Variants in RABGAP1L observed in about 807,000 individuals in gnomAD.
The protein encoded by RABGAP1L is rab GTPase-activating protein 1-like.
A neutral mutation model predicts 137.7 loss-of-function variants in RABGAP1L; 63 were observed. The observed-to-expected ratio is 0.46, with a 90% confidence interval of 0.37 to 0.56. The LOEUF is 0.56. Ranked by LOEUF, RABGAP1L falls within the 20% of genes least tolerant of loss-of-function variation. The pLI, the probability that RABGAP1L is intolerant of heterozygous loss-of-function variation, is 0.00. For synonymous variants in RABGAP1L, 431 were observed against 433.7 expected (o/e 0.99, Z 0.08); for missense variants, 1,095 against 1,244.0 (o/e 0.88, Z 1.80).
At chr1:174,578,369 A>G (rs1400918131) in intron 13 of RABGAP1L, among the ~76,000 whole-genome samples, 2 of 152,108 alleles carry the variant, frequency 1.3e-5, no homozygotes, top group African/African-American at 4.8e-5. Context: ...ATTTTTTTAT[A>G]GAGAGGAGAT....
chr1:174,528,813 C>A (rs1269055583), intron 13 of RABGAP1L, among the ~76,000 whole-genome samples: 1 of 151,880 alleles, frequency 6.6e-6, no homozygotes, highest in Non-Finnish European at 1.5e-5. Flanking sequence ...ATTCTCCCTT[C>A]GCCATCTGGG....
At chr1:174,411,915 G>C (rs1336769047) in intron 13 of RABGAP1L, among the ~76,000 whole-genome samples, 1 of 152,050 alleles carries the variant, frequency 6.6e-6, no homozygotes, top group Admixed American at 6.6e-5. Flanking sequence ...ATTGATCTTG[G>C]AGTATGTTCT....
At chr1:174,166,638 G>A (rs2148206853) in intron 1 of RABGAP1L, among the ~76,000 whole-genome samples, 1 of 152,346 alleles carries the variant, frequency 6.6e-6, no homozygotes, top group South Asian at 2.1e-4. Flanking sequence ...CCAGTAAGTT[G>A]TGTCTGTTAA....
At chr1:174,972,089 A>AG (rs1670184001) in intron 21 of RABGAP1L, among the ~76,000 whole-genome samples, 2 of 152,156 alleles carry the variant, frequency 1.3e-5, no homozygotes, top group African/African-American at 4.8e-5. Context: ...CAGTGATTAG[A>AG]AGTGAAAAAA....
In RABGAP1L at chr1:174,302,961, C is replaced by T. The variant is rs188426444; in HGVS notation, c.1324-2025C>T. On this transcript the variant is annotated intron_variant, in intron 10 of 25. Transcript: ENST00000681986. ...TAACCAAATAATAAGAATAACTATT[C>T]TAACTGCAGAAAGATGAAAATTAAC... Among the ~76,000 whole-genome samples, 325 of 151,880 alleles carry T rather than the reference C, an allele frequency of 2.1e-3. 3 individuals carry two copies. Among genetic ancestry groups the T allele is most frequent in the African/African-American group, 7.5e-3 (311 of 41,442 alleles).
At chr1:174,540,376 T>C (rs1193461695) in intron 13 of RABGAP1L, among the ~76,000 whole-genome samples, 1 of 152,234 alleles carries the variant, frequency 6.6e-6, no homozygotes, top group Non-Finnish European at 1.5e-5. Context: ...CCCATGCCAA[T>C]GTCCTAAATG....
At chr1:174,546,898 C>T (rs143946040) in intron 13 of RABGAP1L, among the ~76,000 whole-genome samples, 13,654 of 150,802 alleles carry the variant, frequency 0.091, 794 homozygotes, top group East Asian at 0.32. Context: ...GGCGTGGTGG[C>T]GGGCACCTGT....
chr1:174,721,575 T>A (rs1372038429), intron 17 of RABGAP1L, among the ~76,000 whole-genome samples: 1 of 152,198 alleles, frequency 6.6e-6, no homozygotes, highest in Non-Finnish European at 1.5e-5. Context: ...CTGGATCAGA[T>A]TGGTTTCACA....
At chr1:174,928,762 T>G (rs893962432) in intron 19 of RABGAP1L, among the ~76,000 whole-genome samples, 5 of 152,174 alleles carry the variant, frequency 3.3e-5, no homozygotes, top group African/African-American at 1.2e-4. Context: ...TTGAATTCAT[T>G]TAGTCAGTTA....
intron 19 of RABGAP1L, among the ~76,000 whole-genome samples, chr1:174,856,292 A>T (rs1380812926): frequency 6.6e-6 from 1 of 151,796 alleles, no homozygotes; most frequent in Admixed American, 6.6e-5. Flanking sequence ...GCTACTCGGG[A>T]GGCTGAGGCA....
At position 174,532,216 on chromosome 1, in the gene RABGAP1L, T is replaced by G. The variant is rs182998441; in HGVS notation, c.1711-105159T>G. On this transcript the variant is annotated intron_variant, in intron 13 of 25. Coordinates refer to ENST00000681986, the MANE Select transcript of RABGAP1L (RefSeq NM_001366446.1). ...GAGTTTTTTGTTTTTTGTTTTTTTGTTTTTTTTTTTGGGACACAGTCTTGC... is the reference window on the plus strand; with the variant it reads ...GAGTTTTTTGTTTTTTGTTTTTTTGGTTTTTTTTTTGGGACACAGTCTTGC... Among the ~76,000 whole-genome samples the G allele has an allele frequency of 5.3e-3, 756 of 143,726 alleles. 10 individuals carry two copies. The highest frequency in any genetic ancestry group is 0.018 in the African/African-American group (687 of 38,912). 94.3% of individuals were successfully genotyped at this position (143,726 alleles called of 152,430 possible). A position where few individuals can be genotyped will look rare whatever the true frequency, so the allele number is the denominator to read the frequency against.
At chr1:174,437,331 G>A (rs1429059905) in intron 13 of RABGAP1L, among the ~76,000 whole-genome samples, 1 of 151,926 alleles carries the variant, frequency 6.6e-6, no homozygotes, top group African/African-American at 2.4e-5. Flanking sequence ...AAAAAAATTA[G>A]ATGAATGGAT....
At chr1:174,349,738 C>G (rs1247750621) in intron 11 of RABGAP1L, among the ~76,000 whole-genome samples, 1 of 139,374 alleles carries the variant, frequency 7.2e-6, no homozygotes, top group Non-Finnish European at 1.6e-5. Flanking sequence ...GGGGGCTGAC[C>G]CCCCCACCTC....
chr1:174,869,111 CT>C (rs1651778764), intron 19 of RABGAP1L, among the ~76,000 whole-genome samples: 1 of 152,124 alleles, frequency 6.6e-6, no homozygotes, highest in African/African-American at 2.4e-5. Flanking sequence ...GTTTTGCCCC[CT>C]GTACATCATT....
chr1:174,676,403 GGTT>G (rs1677630559), intron 14 of RABGAP1L, among the ~76,000 whole-genome samples: 1 of 152,018 alleles, frequency 6.6e-6, no homozygotes, highest in African/African-American at 2.4e-5. Context: ...GAATTCACTA[GGTT>G]ACTGATTCAG....
In RABGAP1L at chr1:174,656,777, G is replaced by A. The variant is rs1414643515; in HGVS notation, c.1824+19289G>A. ...GTCTGTCCACTGAAATCTCTGCTTGGTGGTCAGCTAATGATTGAATAGACA... is the reference window on the plus strand; with the variant it reads ...GTCTGTCCACTGAAATCTCTGCTTGATGGTCAGCTAATGATTGAATAGACA... On this transcript the variant is annotated intron_variant, in intron 14 of 25. Coordinates refer to ENST00000681986, the MANE Select transcript of RABGAP1L (RefSeq NM_001366446.1). Among the ~76,000 whole-genome samples, 3 of 152,284 alleles carry A rather than the reference G, an allele frequency of 2.0e-5. No individual in the cohort carries two copies. In the East Asian group the frequency reaches 5.8e-4, roughly 29 times the overall value.
intron 13 of RABGAP1L, among the ~76,000 whole-genome samples, chr1:174,426,568 A>T (rs1047657281): frequency 1.3e-5 from 2 of 152,066 alleles, no homozygotes; most frequent in African/African-American, 4.8e-5. Flanking sequence ...GAAATACTTT[A>T]TATATAATGA....
intron 24 of RABGAP1L, among the ~76,000 whole-genome samples, chr1:174,987,101 T>G (rs1261468279): frequency 6.6e-6 from 1 of 152,086 alleles, no homozygotes; most frequent in Non-Finnish European, 1.5e-5. Flanking sequence ...AGGAAGCCAG[T>G]GAGTACTGAG....
chr1:174,945,690 A>G (rs547958358), intron 19 of RABGAP1L: 1 of 152,300 alleles, frequency 6.6e-6, no homozygotes, highest in East Asian at 1.9e-4. Flanking sequence ...ACCCAGCATT[A>G]TTTGTACAAA....
Sources: allele counts gnomAD v4.1 joint callset (sites outside exome capture counted in the v4.1 genomes callset), GRCh38; gene constraint gnomAD v4.1.1; transcripts MANE v1.5; gene names NCBI Gene and HGNC (gene_info 2026-07-23, HGNC 2026-07-21).